The following HAS3 variants were observed in gnomAD, a reference collection of about 807,000 sequenced individuals.
The protein encoded by HAS3 is HA synthase 3.
A neutral mutation model predicts 50.3 loss-of-function variants in HAS3; 27 were observed. The observed-to-expected ratio is 0.54, with a 90% CI of 0.40 to 0.74. The LOEUF (loss-of-function observed/expected upper bound fraction) is 0.74, where lower values mean the gene tolerates loss of function less well. Among genes scored for constraint, HAS3 ranks in the 30% least tolerant of loss-of-function variants. The probability of loss-of-function intolerance (pLI) is 0.00; values close to 1 mark genes in which losing one functional copy is unlikely to be tolerated. For synonymous variants in HAS3, 339 were observed against 310.9 expected, an observed-to-expected ratio of 1.09 and a Z score of -0.95; for missense variants, 517 against 742.8, an observed-to-expected ratio of 0.70 and a Z score of 3.53.
chr16:69,118,280 A>G, downstream of HAS3: 1 of 928,522 alleles, frequency 1.1e-6, no homozygotes, highest in Non-Finnish European at 1.8e-6. Flanking sequence ...CTGCAGGCCC[A>G]GTCAGTCAAG....
the HAS3 span, among the ~76,000 whole-genome samples, chr16:69,097,754 C>G: frequency 2.6e-5 from 4 of 152,288 alleles, no homozygotes; most frequent in East Asian, 3.9e-4. Flanking sequence ...GTGCCTCCCC[C>G]TCTTGCCCAG....
chr16:69,117,590 TTTAA>T lies in HAS3; in HGVS notation c.*2327_*2330del. 3 of 729,454 alleles carry T rather than the reference TTTAA, an allele frequency of 4.1e-6. No homozygotes were observed. Among genetic ancestry groups the T allele is most frequent in the Non-Finnish European group, 5.0e-6 (3 of 602,562 alleles). The allele number at this position is 729,454 out of a possible 1,614,324, so 45.2% of individuals were successfully genotyped here. On this transcript the variant is annotated 3_prime_UTR_variant, in exon 4 of 4. Coordinates refer to ENST00000569188, the MANE Select transcript of HAS3 (RefSeq NM_001199280.2). ...ATTTTTACCTGCTTTTTTTTTTTTT[TTTAA>T]TTTTCAGGTCAAGTTTTTTATACTG...
chr16:69,101,113 ACTC>A (rs1960692431), upstream of HAS3, among the ~76,000 whole-genome samples: 1 of 151,778 alleles, frequency 6.6e-6, no homozygotes, highest in Admixed American at 6.6e-5. Context: ...CTTGCAATCT[ACTC>A]CTATCTTGCT....
upstream of HAS3, among the ~76,000 whole-genome samples, chr16:69,104,300 TTA>T (rs1960730736): frequency 6.6e-6 from 1 of 150,828 alleles, no homozygotes; most frequent in Non-Finnish European, 1.5e-5. Flanking sequence ...CTTTTTTTTT[TTA>T]TTTTTATTTT....
the HAS3 span, among the ~76,000 whole-genome samples, chr16:69,096,596 C>G: frequency 6.9e-6 from 1 of 145,616 alleles, no homozygotes; most frequent in Non-Finnish European, 1.5e-5. Flanking sequence ...TGGCTCACAC[C>G]TGTAATCCCA....
the HAS3 span, among the ~76,000 whole-genome samples, chr16:69,086,790 G>A: frequency 6.6e-6 from 1 of 150,930 alleles, no homozygotes; most frequent in African/African-American, 2.4e-5. Flanking sequence ...TGTAATCCCA[G>A]CTACTCAGGA....
upstream of HAS3, among the ~76,000 whole-genome samples, chr16:69,104,258 TG>T (rs1421614584): frequency 4.2e-5 from 6 of 144,004 alleles, no homozygotes; most frequent in African/African-American, 1.5e-4. Context: ...GCCTGGCTAA[TG>T]TTTTTTTTTT....
At chr16:69,110,365 G>GGCT (rs1332344549) in intron 2 of HAS3, among the ~76,000 whole-genome samples, 1 of 152,170 alleles carries the variant, frequency 6.6e-6, no homozygotes, top group Non-Finnish European at 1.5e-5. Flanking sequence ...GCAGGAGAAT[G>GGCT]GCTCCTGGGG....
At position 69,117,576 on chromosome 16, in the gene HAS3, C is replaced by CTTT. The variant is rs10558208; in HGVS notation, c.*2324_*2326dup. 9 of 697,902 alleles carry CTTT rather than the reference C, an allele frequency of 1.3e-5. No individual in the cohort carries two copies. Among genetic ancestry groups the CTTT allele is most frequent in the Middle Eastern group, 7.3e-4 (1 of 1,374 alleles). 43.2% of individuals were successfully genotyped at this position (697,902 alleles called of 1,614,324 possible). On this transcript the variant is annotated 3_prime_UTR_variant, in exon 4 of 4. Coordinates refer to ENST00000569188, the MANE Select transcript of HAS3 (RefSeq NM_001199280.2). ...TTGTAAACATATTTATTTTTACCTG[C>CTTT]TTTTTTTTTTTTTTTTAATTTTCAG...
chr16:69,090,958 C>T, the HAS3 span, among the ~76,000 whole-genome samples: 1 of 152,288 alleles, frequency 6.6e-6, no homozygotes, highest in South Asian at 2.1e-4. Flanking sequence ...ACACAAGAGG[C>T]AAATTACTTG....
rs1373613328 is a variant in HAS3, at chr16:69,109,373, C to T, written c.1-23C>T. 1.3e-6 allele frequency: 2 copies of T among 1,580,574 alleles called. No homozygotes were observed. The highest frequency in any genetic ancestry group is 2.3e-5 in the South Asian group (2 of 86,778). On this transcript the variant is annotated intron_variant, in intron 1 of 3. Coordinates refer to ENST00000569188, the MANE Select transcript of HAS3 (RefSeq NM_001199280.2). This position sits in a 1 kb window ranked among gnomAD's most constrained non-coding sequence, Gnocchi z 5.3. ...AAATGCTGCCTCCTGCCTGACCCTTCATCTCCTGCCTTCTCTCGCCAGATG... is the reference window on the plus strand; with the variant it reads ...AAATGCTGCCTCCTGCCTGACCCTTTATCTCCTGCCTTCTCTCGCCAGATG...
chr16:69,099,650 C>G, the HAS3 span, among the ~76,000 whole-genome samples: 1 of 152,182 alleles, frequency 6.6e-6, no homozygotes, highest in East Asian at 1.9e-4. Context: ...TTAAAGAAAA[C>G]AACAACATAA....
chr16:69,116,826 C>T lies in HAS3; in HGVS notation c.*1560C>T. The T allele has an allele frequency of 1.0e-6, 1 of 985,340 alleles. No homozygotes were observed. Among genetic ancestry groups the T allele is most frequent in the Non-Finnish European group, 1.2e-6 (1 of 829,942 alleles). The allele number at this position is 985,340 out of a possible 1,614,324, so 61.0% of individuals were successfully genotyped here. On this transcript the variant is annotated 3_prime_UTR_variant, in exon 4 of 4. Coordinates refer to ENST00000569188, the MANE Select transcript of HAS3 (RefSeq NM_001199280.2). ...TTTGACTTAAGGGTTGCTTGCTTGC[C>T]CTCCAAATGTCCTTTCTCAGAGGGG...
rs1189855635 is a variant in HAS3, at chr16:69,115,434, C to G, written c.*168C>G. The G allele has an allele frequency of 2.2e-6, 3 of 1,348,850 alleles. No homozygotes were observed. Among genetic ancestry groups the G allele is most frequent in the Non-Finnish European group, 2.8e-6 (3 of 1,055,518 alleles). 83.6% of individuals were successfully genotyped at this position (1,348,850 alleles called of 1,614,324 possible). On this transcript the variant is annotated 3_prime_UTR_variant, in exon 4 of 4. Coordinates refer to ENST00000569188, the MANE Select transcript of HAS3 (RefSeq NM_001199280.2). ...ACGGTGATGTAGTATGGCCTGACAG[C>G]TCTGTTTAGAGGAGGCAACACTGAT...
In HAS3 at chr16:69,114,820, A is replaced by T; in HGVS notation, c.1216A>T (p.Ile406Phe). ...TVIQLFYRGR[I>F]WNILLFLLTV... ...TATACAGCTTTTCTACCGGGGCCGC[A>T]TCTGGAACATTCTCCTCTTCCTGCT... The change falls in exon 4 of 4, where the codon ATC becomes TTC. Residue 406 changes from isoleucine to phenylalanine, a missense_variant. Ile to Phe is a conservative substitution (Grantham distance 21). Coordinates refer to ENST00000569188, the MANE Select transcript of HAS3 (RefSeq NM_001199280.2). The surrounding 1 kb of genome is among the most constrained non-coding windows in gnomAD (Gnocchi z 6.4). The T allele has an allele frequency of 6.2e-7, 1 of 1,614,068 alleles. No individual in the cohort carries two copies. Among genetic ancestry groups the T allele is most frequent in the Non-Finnish European group, 8.5e-7 (1 of 1,180,018 alleles).
chr16:69,115,361 G>A lies in HAS3; in HGVS notation c.*95G>A, dbSNP rs1961148405. ...AGGGTGGGAGGGAGGAGGGAGTGCT[G>A]TGTTTTAGTCTCTTAATGGTCCAAA... On this transcript the variant is annotated 3_prime_UTR_variant, in exon 4 of 4. Coordinates refer to ENST00000569188, the MANE Select transcript of HAS3 (RefSeq NM_001199280.2). 1.4e-6 allele frequency: 2 copies of A among 1,446,298 alleles called. No homozygotes were observed. Among genetic ancestry groups the A allele is most frequent in the Admixed American group, 2.8e-5 (1 of 35,898 alleles). The allele number at this position is 1,446,298 out of a possible 1,614,324, so 89.6% of individuals were successfully genotyped here.
chr16:69,106,961 G>T lies in HAS3; in HGVS notation c.-1+1174G>T, dbSNP rs1960821901. The stretch of plus-strand genomic sequence containing the variant: ...AGTTTCGGAGGCTTGATGGAGAAGC[G>T]TGCGTCCTTGACTGGGGGTTCTCCT... On this transcript the variant is annotated intron_variant, in intron 1 of 3. Transcript: ENST00000569188. This position sits in a 1 kb window ranked among gnomAD's most constrained non-coding sequence, Gnocchi z 5.5. 6.6e-6 allele frequency: 1 copy of T among 152,312 alleles called. No individual in the cohort carries two copies. Among genetic ancestry groups the T allele is most frequent in the Admixed American group, 6.5e-5 (1 of 15,290 alleles). The allele number at this position is 152,312 out of a possible 1,614,324, so 9.4% of individuals were successfully genotyped here. A position where few individuals can be genotyped will look rare whatever the true frequency, so the allele number is the denominator to read the frequency against.
At chr16:69,099,464 A>C in the HAS3 span, among the ~76,000 whole-genome samples, 1 of 151,832 alleles carries the variant, frequency 6.6e-6, no homozygotes, top group Non-Finnish European at 1.5e-5. Flanking sequence ...AGTAGCTGGG[A>C]CTACAGGTGC....
At chr16:69,113,608 T>C (rs1187533695) in intron 3 of HAS3, 66 bp downstream of exon 3, 25 of 953,458 alleles carry the variant, frequency 2.6e-5, no homozygotes, top group Non-Finnish European at 3.9e-5. Context: ...CAATTGGATA[T>C]GCCTGGGAAA....
Sources: allele counts gnomAD v4.1 joint callset (sites outside exome capture counted in the v4.1 genomes callset), GRCh38; gene constraint gnomAD v4.1.1; non-coding constraint Gnocchi (gnomAD v3.1); transcripts MANE v1.5; gene names NCBI Gene and HGNC (gene_info 2026-07-23, HGNC 2026-07-21).